Variants in KMT2C observed in about 807,000 individuals in gnomAD.
The protein encoded by KMT2C is lysine methyltransferase 2C, also known as histone-lysine N-methyltransferase 2C.
Under a neutral mutation model 507.9 loss-of-function variants are expected in KMT2C, and 88 were observed. The ratio of observed to expected loss-of-function variants is 0.17; its 90% CI spans 0.15 to 0.21. The LOEUF is 0.21. Among genes scored for constraint, KMT2C ranks in the 10% least tolerant of loss-of-function variants. The probability of loss-of-function intolerance (pLI) is 1.00; values close to 1 mark genes in which losing one functional copy is unlikely to be tolerated. For synonymous variants in KMT2C, 2,049 were observed against 2,080.8 expected, an observed-to-expected ratio of 0.98 and a Z score of 0.42; for missense variants, 4,954 against 5,957.8, an observed-to-expected ratio of 0.83 and a Z score of 5.55.
intron 1 of KMT2C, among the ~76,000 whole-genome samples, chr7:152,430,141 G>A (rs1366927416): frequency 4.7e-5 from 7 of 149,246 alleles, no homozygotes; most frequent in Admixed American, 6.7e-5. Context: ...TCACGCCACT[G>A]CACTCCAGCC....
intron 14 of KMT2C, among the ~76,000 whole-genome samples, chr7:152,241,879 A>T (rs1416199413): frequency 6.6e-6 from 1 of 152,242 alleles, no homozygotes; most frequent in East Asian, 1.9e-4. Flanking sequence ...GTAATTATGT[A>T]TTATTCATCA....
intron 9 of KMT2C, among the ~76,000 whole-genome samples, chr7:152,254,907 C>T (rs1018409902): frequency 2.0e-5 from 3 of 151,188 alleles, no homozygotes; most frequent in African/African-American, 4.9e-5. Context: ...ACACAAATAA[C>T]GAGTTAAAGG....
At chr7:152,344,352 GTAT>G (rs1189705587) in intron 2 of KMT2C, among the ~76,000 whole-genome samples, 2 of 152,188 alleles carry the variant, frequency 1.3e-5, no homozygotes, top group Non-Finnish European at 2.9e-5. Context: ...AGCATATACA[GTAT>G]GGATGTGCTG....
intron 26 of KMT2C, among the ~76,000 whole-genome samples, 199 bp downstream of exon 26, chr7:152,202,735 T>A (rs1293002040): frequency 6.6e-6 from 1 of 152,144 alleles, no homozygotes; most frequent in Non-Finnish European, 1.5e-5. Flanking sequence ...AAGCAATTTA[T>A]GACAAGTATC....
rs1169788620 is a variant in KMT2C at position 152,368,102 on chromosome 7, G to C, written c.162-9427C>G. On this transcript the variant is annotated intron_variant, in intron 1 of 58. Transcript: ENST00000262189. The stretch of plus-strand genomic sequence containing the variant: ...GTTTACCTCTTGCTGTGGTAAGCTA[G>C]TAATACTATCATTGAAGTTAATGGC... The C allele has an allele frequency of 5.4e-6, 5 of 929,324 alleles. No individual in the cohort carries two copies. In the East Asian group the frequency reaches 1.2e-4, roughly 22 times the overall value. The allele number at this position is 929,324 out of a possible 1,614,324, so 57.6% of individuals were successfully genotyped here.
chr7:152,196,077 A>C, intron 27 of KMT2C, 66 bp from the exon 28 acceptor site: 2 of 883,316 alleles, frequency 2.3e-6, no homozygotes, highest in Non-Finnish European at 3.4e-6. Context: ...ATTTGCTAAA[A>C]ACCTAGAGTA....
Position 152,139,179 on chromosome 7 carries a change from G to T in KMT2C, c.14534+7C>A, listed in dbSNP as rs750493902. The T allele has an allele frequency of 6.2e-7, 1 of 1,613,796 alleles. No individual in the cohort carries two copies. Among genetic ancestry groups the T allele is most frequent in the Non-Finnish European group, 8.5e-7 (1 of 1,179,762 alleles). ...AGCACTCCCCGTCAGGTTCCTCGCTGTCTCACCTTGCGGGCCCTCCTGTGA... is the reference window on the plus strand; with the variant it reads ...AGCACTCCCCGTCAGGTTCCTCGCTTTCTCACCTTGCGGGCCCTCCTGTGA... On this transcript the variant is annotated splice_region_variant and intron_variant, in intron 57 of 58. Coordinates refer to ENST00000262189, the MANE Select transcript of KMT2C (RefSeq NM_170606.3).
chr7:152,175,714 A>G (rs947993625), intron 38 of KMT2C, among the ~76,000 whole-genome samples: 1 of 152,108 alleles, frequency 6.6e-6, no homozygotes, highest in African/African-American at 2.4e-5. Flanking sequence ...TACAGCCGTG[A>G]GCCACTGTGC....
At chr7:152,413,885 CA>C (rs56006056) in intron 1 of KMT2C, among the ~76,000 whole-genome samples, 72 of 108,116 alleles carry the variant, frequency 6.7e-4, no homozygotes, top group Middle Eastern at 5.0e-3. Context: ...AACTCCGTCT[CA>C]AAAAAAAAAA....
At chr7:152,307,664 GAC>G (rs1449864357) in intron 6 of KMT2C, among the ~76,000 whole-genome samples, 3 of 152,144 alleles carry the variant, frequency 2.0e-5, no homozygotes, top group Non-Finnish European at 4.4e-5. Flanking sequence ...CCAGTGGTAG[GAC>G]ACAGTCTTCA....
In KMT2C at chr7:152,187,287, G is replaced by T. The variant is rs747046240; in HGVS notation, c.4983C>A (p.Phe1661Leu). The change falls in exon 33 of 59, where the codon TTC becomes TTA. Residue 1661 changes from phenylalanine to leucine, a missense_variant. This residue lies in a region of KMT2C where 24 missense variants were observed against 52.9 expected (regional missense o/e 0.45). Transcript: ENST00000262189. Reference protein sequence around the residue: ...VAPVLYTNINFPNLKEEFPDW... With the variant: ...VAPVLYTNINLPNLKEEFPDW... ...CAGGGAATTCTTCCTTTAAGTTGGGGAAATTAATATTGGTGTAGAGAACTG... is the reference window on the plus strand; with the variant it reads ...CAGGGAATTCTTCCTTTAAGTTGGGTAAATTAATATTGGTGTAGAGAACTG... The T allele has an allele frequency of 6.2e-7, 1 of 1,613,854 alleles. No individual in the cohort carries two copies. The highest frequency in any genetic ancestry group is 8.5e-7 in the Non-Finnish European group (1 of 1,179,818).
chr7:152,189,288 C>A (rs904688882), intron 31 of KMT2C, among the ~76,000 whole-genome samples: 1 of 152,138 alleles, frequency 6.6e-6, no homozygotes, highest in Admixed American at 6.5e-5. Flanking sequence ...ACAACAAAAA[C>A]TTTGTTTACC....
At chr7:152,297,826 A>G (rs2096530340) in intron 6 of KMT2C, among the ~76,000 whole-genome samples, 1 of 152,236 alleles carries the variant, frequency 6.6e-6, no homozygotes, top group South Asian at 2.1e-4. Context: ...GACAATCATG[A>G]TGCAAACTGA....
chr7:152,185,533 AAGAT>A (rs1211823212), intron 34 of KMT2C, 21 bp downstream of exon 34: 9 of 1,555,110 alleles, frequency 5.8e-6, no homozygotes, highest in South Asian at 5.6e-5. Flanking sequence ...AAATATTTAA[AAGAT>A]AGAGGAGTTT....
At chr7:152,240,232 T>C (rs1259266695) in intron 14 of KMT2C, among the ~76,000 whole-genome samples, 2 of 152,242 alleles carry the variant, frequency 1.3e-5, no homozygotes, top group Admixed American at 1.3e-4. Context: ...AACTTGAATC[T>C]GTACCTATGT....
At chr7:152,269,509 C>G (rs2095919268) in intron 7 of KMT2C, among the ~76,000 whole-genome samples, 1 of 152,118 alleles carries the variant, frequency 6.6e-6, no homozygotes, top group Non-Finnish European at 1.5e-5. Flanking sequence ...ACACACATGT[C>G]TGTAAGCCAG....
Position 152,426,298 on chromosome 7 carries a change from C to T in KMT2C, c.161+9328G>A, listed in dbSNP as rs533688165. 1.4e-3 allele frequency among the ~76,000 whole-genome samples: 195 copies of T among 142,682 alleles called. 1 individual carries two copies. Among genetic ancestry groups the T allele is most frequent in the African/African-American group, 5.0e-3 (188 of 37,602 alleles). 93.6% of individuals were successfully genotyped at this position (142,682 alleles called of 152,430 possible). On this transcript the variant is annotated intron_variant, in intron 1 of 58. Coordinates refer to ENST00000262189, the MANE Select transcript of KMT2C (RefSeq NM_170606.3). ...TGTCACCCAGGCTGGAGTGCAGTGG[C>T]ATGATCACAGCTCACTGTAGCCTCC...
chr7:152,401,098 CTTT>C (rs200213396), intron 1 of KMT2C, among the ~76,000 whole-genome samples: 24 of 139,726 alleles, frequency 1.7e-4, no homozygotes, highest in African/African-American at 4.2e-4. Context: ...TATTCATTAA[CTTT>C]TTTTTTTTTT....
In KMT2C at chr7:152,417,984, ACT is replaced by A. The variant is rs1278372539; in HGVS notation, c.161+17640_161+17641del. ...AAAAAAAAAAAAAAGATGGAGTCTCACTCTGTCACCTAGGCTGGAGTGAAGTG... is the reference window on the plus strand; with the variant it reads ...AAAAAAAAAAAAAAGATGGAGTCTCACTGTCACCTAGGCTGGAGTGAAGTG... On this transcript the variant is annotated intron_variant, in intron 1 of 58. Transcript: ENST00000262189. 5.0e-5 allele frequency among the ~76,000 whole-genome samples: 6 copies of A among 120,616 alleles called. No individual in the cohort carries two copies. In the East Asian group the frequency reaches 1.5e-3, roughly 30 times the overall value. 79.1% of individuals were successfully genotyped at this position (120,616 alleles called of 152,430 possible).
Sources: gnomAD v4.1 joint callset for allele counts (sites outside exome capture counted in the v4.1 genomes callset) on GRCh38, gnomAD v4.1.1 for gene constraint, gnomAD v4.1.1 regional missense constraint, MANE v1.5 for transcripts, NCBI Gene and HGNC (gene_info 2026-07-23, HGNC 2026-07-21) for gene names.